Variants in HK2 observed in about 807,000 individuals in gnomAD.
HK2 encodes hexokinase-2.
A neutral mutation model predicts 92.9 loss-of-function variants in HK2; 42 were observed. The ratio of observed to expected loss-of-function variants is 0.45; its 90% CI spans 0.35 to 0.58. HK2 has a LOEUF of 0.58. Among genes scored for constraint, HK2 ranks in the 20% least tolerant of loss-of-function variants. The pLI is 0.00. For missense variants in HK2, 978 were observed against 1,245.1 expected, an observed-to-expected ratio of 0.79 and a Z score of 3.23; for synonymous variants, 422 against 468.0, an observed-to-expected ratio of 0.90 and a Z score of 1.27.
At chr2:74,883,256 G>T (rs1010157808) in intron 12 of HK2, among the ~76,000 whole-genome samples, 2 of 152,228 alleles carry the variant, frequency 1.3e-5, no homozygotes, top group Non-Finnish European at 2.9e-5. Context: ...AAACAAGCTG[G>T]GCTGATGAAG....
intron 3 of HK2, among the ~76,000 whole-genome samples, chr2:74,868,929 C>T (rs1358942318): frequency 1.3e-5 from 2 of 152,160 alleles, no homozygotes; most frequent in Non-Finnish European, 2.9e-5. Context: ...CCTGCAGCGT[C>T]ATCCCTAGAG....
rs780880800 is a variant in HK2 at position 74,888,048 on chromosome 2, C to G, written c.2365C>G (p.Gln789Glu). ...CATCTTTGAAACCAAGTTCTTGTCT[C>G]AGATTGAGAGGTGAGAGCTTAGGGC... ...RGIFETKFLS[Q>E]IESDCLALLQ... Residue 789 changes from glutamine to glutamate, a missense_variant, in exon 16 of 18, where the codon CAG becomes GAG. Physicochemically the swap from Gln to Glu is conservative, Grantham distance 29. This residue lies in a region of HK2 where 742 missense variants were observed against 922.5 expected (regional missense o/e 0.80). Coordinates refer to ENST00000290573, the MANE Select transcript of HK2 (RefSeq NM_000189.5). 14 of 1,614,182 alleles carry G rather than the reference C, an allele frequency of 8.7e-6. No homozygotes were observed. The highest frequency in any genetic ancestry group is 1.2e-5 in the Non-Finnish European group (14 of 1,180,026).
intron 3 of HK2, among the ~76,000 whole-genome samples, chr2:74,868,888 A>G (rs80260855): frequency 0.026 from 4,022 of 152,344 alleles, 162 homozygotes; most frequent in African/African-American, 0.091. Context: ...TTGTATCCTG[A>G]CAACATGCAG....
At chr2:74,880,867 A>G (rs1573387404) in intron 10 of HK2, among the ~76,000 whole-genome samples, 1 of 152,358 alleles carries the variant, frequency 6.6e-6, no homozygotes, top group East Asian at 1.9e-4. Context: ...GTATTCACCT[A>G]TGTTTGACAG....
rs752179666 is a variant in HK2 at position 74,888,015 on chromosome 2, A to T, written c.2332A>T (p.Thr778Ser). ...AGGCCGCATCTCAGAGCGGCTCAAG[A>T]CAAGGGGCATCTTTGAAACCAAGTT... The part of the protein sequence containing the change: ...FRGRISERLK[T>S]RGIFETKFLS... Residue 778 changes from threonine (T) to serine (S), a missense_variant, in exon 16 of 18, where the codon ACA (threonine) becomes TCA (serine). Coordinates refer to ENST00000290573, the MANE Select transcript of HK2 (RefSeq NM_000189.5). 1.7e-5 allele frequency: 28 copies of T among 1,614,234 alleles called. 1 individual carries two copies. The East Asian group carries it at 6.0e-4, about 35-fold the overall frequency.
rs535209001 is a variant in HK2 at position 74,874,372 on chromosome 2, C to A, written c.798C>A (p.Asp266Glu). The A allele has an allele frequency of 1.9e-6, 3 of 1,613,950 alleles. No homozygotes were observed. The highest frequency in any genetic ancestry group is 3.3e-4 in the Middle Eastern group (2 of 6,062). Residue 266 changes from aspartate (D) to glutamate (E), a missense_variant, in exon 7 of 18, where the codon GAC becomes GAA. Around this residue, in one of 3 missense-constraint regions of HK2, gnomAD observed 742 missense variants for 922.5 expected, o/e 0.80. Coordinates refer to ENST00000290573, the MANE Select transcript of HK2 (RefSeq NM_000189.5). ...CINMEWGAFG[D>E]DGSLNDIRTE... ...ATATGGAGTGGGGGGCCTTCGGGGA[C>A]GATGGCTCGCTCAACGACATTCGCA...
chr2:74,882,693 CACAGCA>C (rs1689433777), intron 12 of HK2, among the ~76,000 whole-genome samples: 1 of 147,238 alleles, frequency 6.8e-6, no homozygotes, highest in African/African-American at 2.5e-5. Context: ...GTTTAACCCT[CACAGCA>C]ACCATATAAG....
intron 3 of HK2, among the ~76,000 whole-genome samples, chr2:74,870,554 C>CT (rs60629948): frequency 0.03 from 3,717 of 123,054 alleles, 57 homozygotes; most frequent in Non-Finnish European, 0.043. Flanking sequence ...CTGCATCTCC[C>CT]TTTTTTTTTT....
chr2:74,863,639 G>C (rs3755451), intron 2 of HK2, among the ~76,000 whole-genome samples: 1 of 152,066 alleles, frequency 6.6e-6, no homozygotes, highest in African/African-American at 2.4e-5. Context: ...TTCGGTCCTC[G>C]TTTCATTTGG....
chr2:74,885,446 T>C, intron 12 of HK2, 48 bp from the exon 13 acceptor site: 1 of 1,364,660 alleles, frequency 7.3e-7, no homozygotes, highest in South Asian at 1.2e-5. Context: ...AGAACTGACC[T>C]GGGAGCTCTT....
At chr2:74,861,679 G>T (rs957539179) in intron 2 of HK2, among the ~76,000 whole-genome samples, 33 of 152,322 alleles carry the variant, frequency 2.2e-4, no homozygotes, top group African/African-American at 7.7e-4. Context: ...ACATTGGCTT[G>T]TACTGCTGAA....
At chr2:74,871,056 G>C (rs6732614) in intron 3 of HK2, among the ~76,000 whole-genome samples, 1 of 151,968 alleles carries the variant, frequency 6.6e-6, no homozygotes, top group African/African-American at 2.4e-5. Context: ...ATAAATGTAA[G>C]AACTTTCTGT....
At chr2:74,857,130 T>G (rs1432897195) in intron 2 of HK2, among the ~76,000 whole-genome samples, 2 of 152,218 alleles carry the variant, frequency 1.3e-5, no homozygotes, top group Non-Finnish European at 2.9e-5. Flanking sequence ...GAGACCAGAT[T>G]GCAGGAAACC....
intron 13 of HK2, among the ~76,000 whole-genome samples, chr2:74,885,838 G>A (rs1306909934): frequency 7.9e-6 from 1 of 127,010 alleles, no homozygotes; most frequent in Non-Finnish European, 1.5e-5. Flanking sequence ...GCTGTTAAGA[G>A]CTGTGAAACA....
chr2:74,888,773 A>G (rs1474639014), intron 16 of HK2, among the ~76,000 whole-genome samples: 1 of 152,194 alleles, frequency 6.6e-6, no homozygotes, highest in East Asian at 1.9e-4. Context: ...TTTTCTTTCT[A>G]TAACTTTATT....
rs948053734 is a variant in HK2, at chr2:74,834,873, C to T, written c.63+230C>T. On this transcript the variant is annotated intron_variant, in intron 1 of 17. Transcript: ENST00000290573. The surrounding 1 kb of genome is among the most constrained non-coding windows in gnomAD (Gnocchi z 4.2). The stretch of plus-strand genomic sequence containing the variant: ...AGGTCGCGCTCCGCCGGGCGCCCTC[C>T]CTCCCTGAGCTCCGGCACGCGCTCA... Among the ~76,000 whole-genome samples the T allele has an allele frequency of 6.6e-6, 1 of 152,212 alleles. No individual in the cohort carries two copies. Among genetic ancestry groups the T allele is most frequent in the Non-Finnish European group, 1.5e-5 (1 of 68,022 alleles).
chr2:74,885,845 A>AACACACACACACACACACACACACACAC (rs71406901), intron 13 of HK2, among the ~76,000 whole-genome samples: 19 of 129,150 alleles, frequency 1.5e-4, no homozygotes, highest in East Asian at 1.1e-3. Context: ...AGAGCTGTGA[A>AACACACACACACACACACACACACACAC]ACACACACAC....
In HK2 at chr2:74,891,024, G is replaced by A; in HGVS notation, c.*83G>A. ...TAAGATGTCATCCCCTTGTGTCAGA[G>A]ACAGACCCCTTGGCTTTTGCTTGGC... On this transcript the variant is annotated 3_prime_UTR_variant, in exon 18 of 18. Coordinates refer to ENST00000290573, the MANE Select transcript of HK2 (RefSeq NM_000189.5). 6.6e-7 allele frequency: 1 copy of A among 1,520,376 alleles called. No individual in the cohort carries two copies. The highest frequency in any genetic ancestry group is 8.9e-7 in the Non-Finnish European group (1 of 1,122,698). The allele number at this position is 1,520,376 out of a possible 1,614,324, so 94.2% of individuals were successfully genotyped here. A position where few individuals can be genotyped will look rare whatever the true frequency, so the allele number is the denominator to read the frequency against.
rs1048030988 is a variant in HK2 at position 74,878,931 on chromosome 2, T to C, written c.1265+10T>C. 9.1e-6 allele frequency: 14 copies of C among 1,546,486 alleles called. No individual in the cohort carries two copies. Among genetic ancestry groups the C allele is most frequent in the Admixed American group, 2.0e-5 (1 of 50,982 alleles). On this transcript the variant is annotated intron_variant, in intron 9 of 17. Coordinates refer to ENST00000290573, the MANE Select transcript of HK2 (RefSeq NM_000189.5). The stretch of plus-strand genomic sequence containing the variant: ...ACAAGAAACACCCCCAGTGAGTCAG[T>C]GTGCAGGGCCTGGAGATGCGGAGTT...
Sources: allele counts gnomAD v4.1 joint callset (sites outside exome capture counted in the v4.1 genomes callset), GRCh38; gene constraint gnomAD v4.1.1; regional missense constraint gnomAD v4.1.1; non-coding constraint Gnocchi (gnomAD v3.1); transcripts MANE v1.5; gene names NCBI Gene and HGNC (gene_info 2026-07-23, HGNC 2026-07-21).